The following KDM2B variants were observed in gnomAD, a reference collection of about 807,000 sequenced individuals.
KDM2B encodes the protein lysine-specific demethylase 2B.
Under a neutral mutation model 150.0 loss-of-function variants are expected in KDM2B, and 26 were observed. The observed-to-expected ratio is 0.17, with a 90% CI of 0.13 to 0.24. The LOEUF is 0.24. KDM2B is among the 10% of genes least tolerant of loss of function. The pLI is 1.00. For missense variants in KDM2B, 1,265 were observed against 1,816.9 expected (o/e 0.70, Z 5.52); for synonymous variants, 734 against 729.5 (o/e 1.01, Z -0.10).
chr12:121,445,155 A>G, intron 14 of KDM2B, 120 bp downstream of exon 14: 3 of 1,216,616 alleles, frequency 2.5e-6, no homozygotes, highest in South Asian at 1.4e-5. Context: ...AGGATCACCC[A>G]GACTCAGGGG....
intron 4 of KDM2B, among the ~76,000 whole-genome samples, chr12:121,559,975 G>A (rs75140009): frequency 0.024 from 3,661 of 151,992 alleles, 118 homozygotes; most frequent in African/African-American, 0.07. Flanking sequence ...ATTGAAAATG[G>A]GTATTTAATA....
rs782749962 is a variant in KDM2B, at chr12:121,442,828, G to A, written c.2613C>T (p.Ser871=). The part of the protein sequence containing the change: ...EDKLFRKKRR[S]WKNAEDRMAL... ...CCATGCGGTCCTCGGCGTTCTTCCAGGACCGCCGCTGAGGGCGAGAGCGGA... is the reference window on the plus strand; with the variant it reads ...CCATGCGGTCCTCGGCGTTCTTCCAAGACCGCCGCTGAGGGCGAGAGCGGA... The change falls in exon 19 of 23, where the codon TCC becomes TCT. Residue 871 remains serine (S), a synonymous_variant. Coordinates refer to ENST00000377071, the MANE Select transcript of KDM2B (RefSeq NM_032590.5). This position sits in a 1 kb window ranked among gnomAD's most constrained non-coding sequence, Gnocchi z 7.7. 4 of 1,521,226 alleles carry A rather than the reference G, an allele frequency of 2.6e-6. No homozygotes were observed. In the South Asian group the frequency reaches 4.0e-5, roughly 15 times the overall value. The allele number at this position is 1,521,226 out of a possible 1,614,324, so 94.2% of individuals were successfully genotyped here. A position where few individuals can be genotyped will look rare whatever the true frequency, so the allele number is the denominator to read the frequency against.
In KDM2B at chr12:121,501,787, AT is replaced by A. The variant is rs368930487; in HGVS notation, c.1648-7123del. The stretch of plus-strand genomic sequence containing the variant: ...AGGCACGCACCACCATGCCCTGCTA[AT>A]TTTTTTGTATTTTTAGTAGAGATGG... On this transcript the variant is annotated intron_variant, in intron 11 of 22. Transcript: ENST00000377071. 9.6e-4 allele frequency among the ~76,000 whole-genome samples: 146 copies of A among 151,876 alleles called. No homozygotes were observed. In the East Asian group the frequency reaches 0.025, roughly 26 times the overall value.
rs1406636227 is a variant in KDM2B, at chr12:121,453,520, G to A, written c.1735-176C>T. Reference sequence around the variant, plus strand: ...GATGGGGGCTTTGCAGAGACCGTCAGGTTAAACGAGGTAATTCAGGTGAAC... The same window carrying A: ...GATGGGGGCTTTGCAGAGACCGTCAAGTTAAACGAGGTAATTCAGGTGAAC... On this transcript the variant is annotated intron_variant, in intron 12 of 22. Transcript: ENST00000377071. The surrounding 1 kb of genome is among the most constrained non-coding windows in gnomAD (Gnocchi z 6.4). 6.6e-6 allele frequency among the ~76,000 whole-genome samples: 1 copy of A among 152,246 alleles called. No individual in the cohort carries two copies. Among genetic ancestry groups the A allele is most frequent in the Non-Finnish European group, 1.5e-5 (1 of 68,040 alleles).
chr12:121,563,418 C>T (rs1203803773), intron 4 of KDM2B, among the ~76,000 whole-genome samples: 1 of 151,838 alleles, frequency 6.6e-6, no homozygotes, highest in African/African-American at 2.4e-5. Context: ...ACCAGCCTGG[C>T]CAATATGGTG....
intron 8 of KDM2B, among the ~76,000 whole-genome samples, chr12:121,527,201 C>T (rs1218860934): frequency 1.3e-5 from 2 of 149,798 alleles, no homozygotes; most frequent in East Asian, 2.1e-4. Flanking sequence ...AGGCACCCGC[C>T]GCCACGCCCA....
intron 12 of KDM2B, among the ~76,000 whole-genome samples, chr12:121,492,777 C>T (rs1235005538): frequency 2.7e-5 from 4 of 149,866 alleles, no homozygotes; most frequent in African/African-American, 4.9e-5. Flanking sequence ...TGCAGTGAGC[C>T]GAGATCACGC....
chr12:121,541,426 G>A (rs1163025473), intron 6 of KDM2B, among the ~76,000 whole-genome samples: 1 of 145,732 alleles, frequency 6.9e-6, no homozygotes, highest in African/African-American at 2.6e-5. Flanking sequence ...AAGGAAGGAC[G>A]GAGGGAAGGA....
chr12:121,554,717 A>G (rs912817978), intron 4 of KDM2B, among the ~76,000 whole-genome samples: 1 of 152,062 alleles, frequency 6.6e-6, no homozygotes, highest in Admixed American at 6.6e-5. Context: ...GGCCTGTAAC[A>G]TACTTTAAAT....
chr12:121,463,893 A>G (rs1044831774), intron 12 of KDM2B, among the ~76,000 whole-genome samples: 3 of 152,026 alleles, frequency 2.0e-5, no homozygotes, highest in Admixed American at 6.6e-5. Context: ...AGTCATTTTT[A>G]TAGAAAAAAT....
chr12:121,425,828 G>C (rs1872487811), downstream of KDM2B, among the ~76,000 whole-genome samples: 1 of 151,234 alleles, frequency 6.6e-6, no homozygotes, highest in Admixed American at 6.6e-5. Context: ...GTGCAGTGGC[G>C]TGATCTCAGC....
At chr12:121,516,536 A>C in intron 9 of KDM2B, 2 of 1,434,578 alleles carry the variant, frequency 1.4e-6, no homozygotes, top group Non-Finnish European at 1.8e-6. Context: ...GACATTAAAC[A>C]TACGGTTGCT....
intron 11 of KDM2B, among the ~76,000 whole-genome samples, chr12:121,499,400 C>T (rs970725132): frequency 6.6e-6 from 1 of 150,632 alleles, no homozygotes; most frequent in East Asian, 2.0e-4. Context: ...GGATTATAGG[C>T]GTGAGCCACC....
At chr12:121,580,112 G>A in intron 1 of KDM2B, 1 of 1,577,262 alleles carries the variant, frequency 6.3e-7, no homozygotes, top group Non-Finnish European at 8.5e-7. Flanking sequence ...TTTTGGCCGA[G>A]GGGGGAAGGA....
chr12:121,440,137 A>AG, intron 21 of KDM2B, 62 bp from the exon 22 acceptor site: 2 of 1,287,448 alleles, frequency 1.6e-6, no homozygotes, highest in Non-Finnish European at 2.2e-6. Flanking sequence ...GGTCATGCTG[A>AG]CATGACACTC....
rs1181079626 is a variant in KDM2B at position 121,520,625 on chromosome 12, AAAC to A, written c.1047+357_1047+359del. 6.6e-6 allele frequency among the ~76,000 whole-genome samples: 1 copy of A among 152,072 alleles called. No individual in the cohort carries two copies. Among genetic ancestry groups the A allele is most frequent in the Non-Finnish European group, 1.5e-5 (1 of 67,982 alleles). ...CTTCCAAGGTCCACACCCATCCTCC[AAAC>A]AACAGCGACCAAATCCCCCTAATCC... On this transcript the variant is annotated intron_variant, in intron 9 of 22. Coordinates refer to ENST00000377071, the MANE Select transcript of KDM2B (RefSeq NM_032590.5). This position sits in a 1 kb window ranked among gnomAD's most constrained non-coding sequence, Gnocchi z 4.5.
chr12:121,433,969 A>C (rs781810398), intron 22 of KDM2B, among the ~76,000 whole-genome samples: 4 of 151,986 alleles, frequency 2.6e-5, no homozygotes, highest in Non-Finnish European at 4.4e-5. Flanking sequence ...ACTTGAGCCT[A>C]GGAGTTCAAG....
the KDM2B span, among the ~76,000 whole-genome samples, chr12:121,417,160 G>A: frequency 6.6e-6 from 1 of 152,186 alleles, no homozygotes; most frequent in Admixed American, 6.5e-5. The surrounding 1 kb of genome is among the most constrained non-coding windows in gnomAD (Gnocchi z 5.0). Flanking sequence ...GTTCATGTAG[G>A]AAAAGACCAG....
chr12:121,538,357 G>A (rs901648345), intron 6 of KDM2B, among the ~76,000 whole-genome samples: 24 of 152,016 alleles, frequency 1.6e-4, no homozygotes, highest in African/African-American at 5.3e-4. Flanking sequence ...AAGGACCCGA[G>A]CTAGGGGCCG....
Sources: gnomAD v4.1 joint callset for allele counts (sites outside exome capture counted in the v4.1 genomes callset) on GRCh38, gnomAD v4.1.1 for gene constraint, Gnocchi (gnomAD v3.1) non-coding constraint, MANE v1.5 for transcripts, NCBI Gene and HGNC (gene_info 2026-07-23, HGNC 2026-07-21) for gene names.